The following STK33 variants were observed in gnomAD, a reference collection of about 807,000 sequenced individuals.
STK33 encodes the protein serine/threonine-protein kinase 33.
Under a neutral mutation model 58.0 loss-of-function variants are expected in STK33, and 52 were observed. The observed-to-expected ratio is 0.90, with a 90% CI of 0.72 to 1.13. STK33 has a LOEUF of 1.13. STK33 is among the 50% of genes most tolerant of loss of function. STK33 has a pLI of 0.00. For synonymous variants in STK33, 215 were observed against 200.1 expected (o/e 1.07, Z -0.63); for missense variants, 630 against 604.2 (o/e 1.04, Z -0.45).
intron 2 of STK33, among the ~76,000 whole-genome samples, chr11:8,478,805 C>T (rs1314789260): frequency 6.6e-6 from 1 of 151,548 alleles, no homozygotes; most frequent in Non-Finnish European, 1.5e-5. Flanking sequence ...AAATGACTGA[C>T]TGCTTTAGTA....
intron 15 of STK33, among the ~76,000 whole-genome samples, chr11:8,410,326 A>G (rs1043024690): frequency 2.0e-5 from 3 of 152,176 alleles, no homozygotes; most frequent in Non-Finnish European, 4.4e-5. Context: ...AAGTTTTTAA[A>G]CCACCATGCC....
chr11:8,396,555 C>A (rs113452326), intron 15 of STK33, among the ~76,000 whole-genome samples: 1,524 of 152,332 alleles, frequency 0.01, 24 homozygotes, highest in African/African-American at 0.034. Context: ...GTGAGTGACG[C>A]AGAAGATGGG....
chr11:8,374,480 T>C, the STK33 span, among the ~76,000 whole-genome samples: 1 of 152,202 alleles, frequency 6.6e-6, no homozygotes, highest in African/African-American at 2.4e-5. Flanking sequence ...GAGGGCTCTC[T>C]TCCTGCCTTG....
the STK33 span, among the ~76,000 whole-genome samples, chr11:8,366,463 G>A: frequency 6.6e-6 from 1 of 152,212 alleles, no homozygotes; most frequent in African/African-American, 2.4e-5. Flanking sequence ...AGAAGGGGTG[G>A]GAGAGCACAG....
intron 1 of STK33, chr11:8,580,828 G>A (rs1021720521): frequency 4.6e-5 from 7 of 152,026 alleles, no homozygotes; most frequent in Non-Finnish European, 1.0e-4. Flanking sequence ...CTTGGATCTG[G>A]TAGCCATAAG....
chr11:8,482,031 C>T (rs1949848231), intron 1 of STK33, among the ~76,000 whole-genome samples: 2 of 152,118 alleles, frequency 1.3e-5, no homozygotes, highest in Non-Finnish European at 2.9e-5. Context: ...CAAAAAGATT[C>T]ATGTGAGACA....
chr11:8,498,605 A>G (rs1951248865), intron 1 of STK33, among the ~76,000 whole-genome samples: 1 of 152,180 alleles, frequency 6.6e-6, no homozygotes, highest in Non-Finnish European at 1.5e-5. Flanking sequence ...TATGGAACCA[A>G]AAAAGAGCCC....
At chr11:8,335,241 C>T in the STK33 span, among the ~76,000 whole-genome samples, 1 of 152,174 alleles carries the variant, frequency 6.6e-6, no homozygotes, top group Non-Finnish European at 1.5e-5. Flanking sequence ...GTCCCCAGGC[C>T]CTTTATGGAG....
At chr11:8,339,028 CCCAT>C in the STK33 span, among the ~76,000 whole-genome samples, 2 of 152,156 alleles carry the variant, frequency 1.3e-5, no homozygotes, top group South Asian at 4.1e-4. Context: ...GCTGAAAATC[CCCAT>C]GCATCGGCTT....
intron 14 of STK33, among the ~76,000 whole-genome samples, chr11:8,432,041 G>A (rs558042389): frequency 6.6e-6 from 1 of 152,244 alleles, no homozygotes; most frequent in East Asian, 1.9e-4. Flanking sequence ...CAGAGACCAC[G>A]TCTTACGTGG....
chr11:8,494,429 T>A (rs1276797259), intron 1 of STK33, among the ~76,000 whole-genome samples: 1 of 152,094 alleles, frequency 6.6e-6, no homozygotes, highest in Non-Finnish European at 1.5e-5. Context: ...AAACCACTGC[T>A]CAACGAAATA....
At chr11:8,491,114 G>A (rs1170299653) in intron 1 of STK33, among the ~76,000 whole-genome samples, 2 of 152,212 alleles carry the variant, frequency 1.3e-5, no homozygotes, top group African/African-American at 2.4e-5. Flanking sequence ...ACAGAAGTAG[G>A]CTTCAGAAGG....
At chr11:8,391,156 A>T (rs1848615980), downstream of STK33, among the ~76,000 whole-genome samples, 1 of 152,220 alleles carries the variant, frequency 6.6e-6, no homozygotes, top group East Asian at 1.9e-4. Context: ...CGCCCTTTAA[A>T]GACTGGCTTA....
chr11:8,555,022 T>C (rs2140757843), intron 1 of STK33: 1 of 152,240 alleles, frequency 6.6e-6, no homozygotes, highest in Middle Eastern at 3.4e-3. Context: ...AGAGGACCTC[T>C]CTCTCATAGG....
At chr11:8,398,855 CAA>C in intron 15 of STK33, among the ~76,000 whole-genome samples, 1 of 150,922 alleles carries the variant, frequency 6.6e-6, no homozygotes, top group Admixed American at 6.6e-5. Flanking sequence ...CAACAAAGAT[CAA>C]AAGAGACAAA....
At chr11:8,491,758 TCTA>T in intron 1 of STK33, among the ~76,000 whole-genome samples, 1 of 152,252 alleles carries the variant, frequency 6.6e-6, no homozygotes, top group African/African-American at 2.4e-5. Context: ...CAGCAGAAAC[TCTA>T]CAAGCCAGAA....
chr11:8,462,660 T>A (rs1947707387), intron 7 of STK33, among the ~76,000 whole-genome samples: 1 of 151,854 alleles, frequency 6.6e-6, no homozygotes, highest in Non-Finnish European at 1.5e-5. Flanking sequence ...CCTTCAGATG[T>A]TAGATGTCTC....
chr11:8,336,653 A>G, the STK33 span, among the ~76,000 whole-genome samples: 2 of 152,250 alleles, frequency 1.3e-5, no homozygotes, highest in Non-Finnish European at 2.9e-5. Context: ...AACAAGACCT[A>G]GCCCTTCCCC....
At chr11:8,401,882 C>T (rs1199075815) in intron 15 of STK33, among the ~76,000 whole-genome samples, 2 of 152,050 alleles carry the variant, frequency 1.3e-5, no homozygotes, top group Non-Finnish European at 2.9e-5. Context: ...TCATCACTGG[C>T]CATCAGAGAA....
Sources: gnomAD v4.1 joint callset for allele counts (sites outside exome capture counted in the v4.1 genomes callset) on GRCh38, gnomAD v4.1.1 for gene constraint, MANE v1.5 for transcripts, NCBI Gene and HGNC (gene_info 2026-07-23, HGNC 2026-07-21) for gene names.